Variants in TMEM200A observed in about 807,000 individuals in gnomAD.
TMEM200A encodes two transmembrane C.
TMEM200A carries 12 observed loss-of-function variants against 24.3 expected under a neutral mutation model. The ratio of observed to expected loss-of-function variants is 0.49; its 90% CI spans 0.32 to 0.80. The LOEUF (loss-of-function observed/expected upper bound fraction) is 0.80. Ranked by LOEUF, TMEM200A falls within the 30% of genes least tolerant of loss-of-function variation. The pLI, the probability that TMEM200A is intolerant of heterozygous loss-of-function variation, is 0.04. For synonymous variants in TMEM200A, 224 were observed against 224.4 expected, an observed-to-expected ratio of 1.00 and a Z score of 0.02; for missense variants, 545 against 614.4, an observed-to-expected ratio of 0.89 and a Z score of 1.19.
chr6:130,414,878 A>T (rs914214358), intron 2 of TMEM200A, among the ~76,000 whole-genome samples: 1 of 152,146 alleles, frequency 6.6e-6, no homozygotes, highest in African/African-American at 2.4e-5. Flanking sequence ...GCAAATACAT[A>T]TGTATGGTTT....
rs574462398 is a variant in TMEM200A, at chr6:130,433,502, A to G, written c.-16-6905A>G. ...TGTGATTGAACTCTTAGTCACCCATATGAATTTTCTTTTTTCAATTCTGGT... is the reference window on the plus strand; with the variant it reads ...TGTGATTGAACTCTTAGTCACCCATGTGAATTTTCTTTTTTCAATTCTGGT... On this transcript the variant is annotated intron_variant, in intron 2 of 2. Transcript: ENST00000296978. 2.4e-3 allele frequency among the ~76,000 whole-genome samples: 366 copies of G among 152,266 alleles called. 4 individuals carry two copies. The Middle Eastern group carries it at 0.041, about 17-fold the overall frequency.
intron 2 of TMEM200A, among the ~76,000 whole-genome samples, chr6:130,398,592 C>T (rs1779007091): frequency 6.6e-6 from 1 of 152,066 alleles, no homozygotes; most frequent in Non-Finnish European, 1.5e-5. Context: ...CTAATTTACA[C>T]TACCACCAGT....
At chr6:130,396,194 C>G (rs1778948452) in intron 2 of TMEM200A, among the ~76,000 whole-genome samples, 1 of 152,062 alleles carries the variant, frequency 6.6e-6, no homozygotes, top group African/African-American at 2.4e-5. Context: ...ATGGGGCCAG[C>G]AGTTGTTGCC....
chr6:130,390,511 T>A (rs1778810235), intron 2 of TMEM200A, among the ~76,000 whole-genome samples: 1 of 152,266 alleles, frequency 6.6e-6, no homozygotes, highest in East Asian at 1.9e-4. Context: ...ATAGGACTGC[T>A]GAGGATTAAA....
Position 130,427,158 on chromosome 6 carries a change from T to C in TMEM200A, c.-16-13249T>C, listed in dbSNP as rs908335218. 2.7e-4 allele frequency among the ~76,000 whole-genome samples: 41 copies of C among 152,226 alleles called. 1 individual carries two copies. Among genetic ancestry groups the C allele is most frequent in the Admixed American group, 2.7e-3 (41 of 15,280 alleles). On this transcript the variant is annotated intron_variant, in intron 2 of 2. Transcript: ENST00000296978. ...TACTCTTATGTTCCAGGCTTCAACA[T>C]CCTTTTTTGCTCTGTACTTAGAGTT...
intron 1 of TMEM200A, among the ~76,000 whole-genome samples, chr6:130,370,250 C>A (rs146985646): frequency 2.2e-3 from 338 of 152,272 alleles, no homozygotes; most frequent in Middle Eastern, 0.017. Flanking sequence ...CCTTTCTCTT[C>A]CAGGTCCCAT....
At chr6:130,437,482 C>G (rs1270466075) in intron 2 of TMEM200A, 1 of 152,066 alleles carries the variant, frequency 6.6e-6, no homozygotes, top group Non-Finnish European at 1.5e-5. Context: ...ACATTGGGAC[C>G]CTGAGTGATA....
intron 2 of TMEM200A, among the ~76,000 whole-genome samples, chr6:130,432,861 A>G (rs1273305714): frequency 6.6e-6 from 1 of 152,152 alleles, no homozygotes; most frequent in South Asian, 2.1e-4. Flanking sequence ...CCATTTTACA[A>G]ATGAAGGAAC....
intron 2 of TMEM200A, among the ~76,000 whole-genome samples, chr6:130,421,542 G>A (rs932505016): frequency 2.7e-5 from 4 of 149,988 alleles, no homozygotes; most frequent in South Asian, 2.1e-4. Flanking sequence ...GTGTGCATGC[G>A]TACATGTTAA....
chr6:130,424,742 G>A lies in TMEM200A; in HGVS notation c.-16-15665G>A, dbSNP rs1283383515. Among the ~76,000 whole-genome samples the A allele has an allele frequency of 3.9e-5, 6 of 152,178 alleles. No individual in the cohort carries two copies. In the South Asian group the frequency reaches 1.2e-3, roughly 32 times the overall value. ...GGGTGGGGGAGCCATGATGGTGACTGGTGTCTTCATCAAGTAAAACCTAGA... is the reference window on the plus strand; with the variant it reads ...GGGTGGGGGAGCCATGATGGTGACTAGTGTCTTCATCAAGTAAAACCTAGA... On this transcript the variant is annotated intron_variant, in intron 2 of 2. Coordinates refer to ENST00000296978, the MANE Select transcript of TMEM200A (RefSeq NM_001258277.2).
Position 130,390,910 on chromosome 6 carries a change from C to A in TMEM200A, c.-17+5674C>A, listed in dbSNP as rs117394319. On this transcript the variant is annotated intron_variant, in intron 2 of 2. Transcript: ENST00000296978. ...ACTATTGACAGTTTGGACTGAATAA[C>A]TTTTATGCATTGTAGGGTGTTTAGC... Among the ~76,000 whole-genome samples, 507 of 152,298 alleles carry A rather than the reference C, an allele frequency of 3.3e-3. 12 individuals are homozygous for A. The highest frequency in any genetic ancestry group is 0.015 in the Admixed American group (228 of 15,294).
intron 2 of TMEM200A, among the ~76,000 whole-genome samples, chr6:130,411,226 A>G (rs1779323337): frequency 6.6e-6 from 1 of 152,124 alleles, no homozygotes; most frequent in South Asian, 2.1e-4. Context: ...GTTTTAAACC[A>G]GTAGTTGACT....
At chr6:130,429,350 C>G (rs1431690391) in intron 2 of TMEM200A, among the ~76,000 whole-genome samples, 2 of 152,018 alleles carry the variant, frequency 1.3e-5, no homozygotes, top group African/African-American at 4.8e-5. Flanking sequence ...GGTGAAACCC[C>G]ATCTCTACTA....
intron 2 of TMEM200A, among the ~76,000 whole-genome samples, chr6:130,427,057 G>A (rs192577764): frequency 2.6e-5 from 4 of 151,952 alleles, no homozygotes; most frequent in Non-Finnish European, 5.9e-5. Context: ...TTTTTGCCTC[G>A]AAGGCTACAC....
At chr6:130,400,775 G>A (rs1779066687) in intron 2 of TMEM200A, among the ~76,000 whole-genome samples, 1 of 152,022 alleles carries the variant, frequency 6.6e-6, no homozygotes, top group African/African-American at 2.4e-5. Context: ...CACTGAGCCA[G>A]TGACTGAAGT....
In TMEM200A at chr6:130,414,879, T is replaced by G. The variant is rs557225362; in HGVS notation, c.-16-25528T>G. Among the ~76,000 whole-genome samples the G allele has an allele frequency of 2.6e-5, 4 of 152,250 alleles. No individual in the cohort carries two copies. In the South Asian group the frequency reaches 8.3e-4, roughly 32 times the overall value. On this transcript the variant is annotated intron_variant, in intron 2 of 2. Transcript: ENST00000296978. ...AAACAGGTAAACCAGCAAATACATA[T>G]GTATGGTTTGAGGGCTGTTTTTCTT...
rs1583237507 is a variant in TMEM200A, at chr6:130,440,290, T to C, written c.-16-117T>C. 7.8e-6 allele frequency: 8 copies of C among 1,031,672 alleles called. No individual in the cohort carries two copies. In the East Asian group the frequency reaches 2.2e-4, roughly 29 times the overall value. The allele number at this position is 1,031,672 out of a possible 1,614,324, so 63.9% of individuals were successfully genotyped here. ...TAAAAAAATATTCTGCCCCATTTAA[T>C]CACATGAAACTGCAACAGCAACAAA... On this transcript the variant is annotated intron_variant, in intron 2 of 2. Coordinates refer to ENST00000296978, the MANE Select transcript of TMEM200A (RefSeq NM_001258277.2).
intron 2 of TMEM200A, among the ~76,000 whole-genome samples, chr6:130,423,395 T>G (rs920486900): frequency 1.3e-5 from 2 of 152,196 alleles, no homozygotes; most frequent in African/African-American, 4.8e-5. Context: ...CATTTCTTCC[T>G]GTCACTAAAT....
At chr6:130,428,531 A>G (rs1258862382) in intron 2 of TMEM200A, among the ~76,000 whole-genome samples, 1 of 152,064 alleles carries the variant, frequency 6.6e-6, no homozygotes, top group African/African-American at 2.4e-5. Flanking sequence ...CTCTGAACCA[A>G]TTAATTTTGT....
Sources: allele counts gnomAD v4.1 joint callset (sites outside exome capture counted in the v4.1 genomes callset), GRCh38; gene constraint gnomAD v4.1.1; transcripts MANE v1.5; gene names NCBI Gene and HGNC (gene_info 2026-07-23, HGNC 2026-07-21).